The following KIF6 variants were observed in gnomAD, a reference collection of about 807,000 sequenced individuals.
KIF6 encodes the protein kinesin-like protein KIF6.
KIF6 carries 106 observed loss-of-function variants against 112.7 expected under a neutral mutation model. The observed-to-expected ratio is 0.94, with a 90% CI of 0.80 to 1.11. The LOEUF is 1.11. Ranked by LOEUF, KIF6 falls within the 50% of genes least tolerant of loss-of-function variation. The pLI is 0.00. For synonymous variants in KIF6, 339 were observed against 339.9 expected (o/e 1.00, Z 0.03); for missense variants, 929 against 964.0 (o/e 0.96, Z 0.48).
At chr6:39,341,427 T>G (rs558477240) in intron 22 of KIF6, among the ~76,000 whole-genome samples, 1 of 152,144 alleles carries the variant, frequency 6.6e-6, no homozygotes, top group African/African-American at 2.4e-5. Context: ...GCATCTCTGC[T>G]TCCTCTCTCT....
intron 21 of KIF6, among the ~76,000 whole-genome samples, chr6:39,345,341 A>C (rs984908802): frequency 2.0e-5 from 3 of 152,232 alleles, no homozygotes; most frequent in African/African-American, 7.2e-5. Context: ...TAAGCCTGGA[A>C]GCAAATGCTG....
chr6:39,633,822 CA>C (rs1784476303), intron 5 of KIF6, among the ~76,000 whole-genome samples: 1 of 152,122 alleles, frequency 6.6e-6, no homozygotes, highest in South Asian at 2.1e-4. Context: ...GAAGTGACCT[CA>C]GTTATATAAC....
At chr6:39,625,801 C>T (rs1784061913) in intron 5 of KIF6, among the ~76,000 whole-genome samples, 1 of 152,046 alleles carries the variant, frequency 6.6e-6, no homozygotes, top group African/African-American at 2.4e-5. Context: ...AAGGAGGGTC[C>T]AAAGTGTATG....
chr6:39,535,280 G>C (rs1304307874), intron 13 of KIF6, among the ~76,000 whole-genome samples: 4 of 152,166 alleles, frequency 2.6e-5, no homozygotes, highest in Non-Finnish European at 5.9e-5. Context: ...ATGGGATAAA[G>C]AGTCAAGACC....
chr6:39,435,211 C>T (rs938109754), intron 13 of KIF6, among the ~76,000 whole-genome samples: 11 of 152,092 alleles, frequency 7.2e-5, no homozygotes, highest in Non-Finnish European at 1.3e-4. Context: ...CCCATGAGAT[C>T]GTACTCTTAT....
rs558965227 is a variant in KIF6 at position 39,342,914 on chromosome 6, T to A, written c.2428+795A>T. On this transcript the variant is annotated intron_variant, in intron 22 of 22. Transcript: ENST00000287152. This position sits in a 1 kb window ranked among gnomAD's most constrained non-coding sequence, Gnocchi z 4.7. ...CAGGGCAGGCATCAGTCATTATACA[T>A]CGAATCTGCCAGCCCATACCATCAC... is the stretch of plus-strand genomic sequence containing the variant. 5 of 985,338 alleles carry A rather than the reference T, an allele frequency of 5.1e-6. No homozygotes were observed. The South Asian group carries it at 2.4e-4, about 46-fold the overall frequency. The allele number at this position is 985,338 out of a possible 1,614,324, so 61.0% of individuals were successfully genotyped here. A position where few individuals can be genotyped will look rare whatever the true frequency, so the allele number is the denominator to read the frequency against.
chr6:39,381,377 A>C (rs1766925662), intron 16 of KIF6, among the ~76,000 whole-genome samples: 1 of 152,226 alleles, frequency 6.6e-6, no homozygotes, highest in African/African-American at 2.4e-5. Context: ...CAGAATGAAA[A>C]GGGTGATGGT....
intron 16 of KIF6, 52 bp downstream of exon 16, chr6:39,385,570 G>T (rs936716171): frequency 1.7e-5 from 24 of 1,428,840 alleles, no homozygotes; most frequent in Non-Finnish European, 2.1e-5. Context: ...CCTAAAATCA[G>T]GTCAGTTTAT....
intron 10 of KIF6, among the ~76,000 whole-genome samples, chr6:39,571,233 C>T (rs575197882): frequency 6.6e-6 from 1 of 152,300 alleles, no homozygotes; most frequent in Non-Finnish European, 1.5e-5. Context: ...TCTTCATTAA[C>T]AAGATCTCTC....
chr6:39,518,518 T>C (rs1008057613), intron 13 of KIF6, among the ~76,000 whole-genome samples: 1 of 152,210 alleles, frequency 6.6e-6, no homozygotes, highest in East Asian at 1.9e-4. Context: ...AGGAAAACGA[T>C]TGAGCAACAT....
At chr6:39,651,643 G>A (rs1785476652) in intron 3 of KIF6, among the ~76,000 whole-genome samples, 2 of 152,114 alleles carry the variant, frequency 1.3e-5, no homozygotes, top group Non-Finnish European at 1.5e-5. Context: ...TGCCAAATAA[G>A]ACCTTATTTG....
At chr6:39,554,588 TC>T (rs1779583400) in intron 10 of KIF6, 1 of 152,840 alleles carries the variant, frequency 6.5e-6, no homozygotes, top group Non-Finnish European at 1.5e-5. Context: ...CTGAGCTCAC[TC>T]CCACTGGGCC....
chr6:39,664,695 G>A (rs368076790), intron 3 of KIF6, among the ~76,000 whole-genome samples: 247 of 152,212 alleles, frequency 1.6e-3, no homozygotes, highest in African/African-American at 5.7e-3. Context: ...AGAGTAAGAA[G>A]TTAGAGACGC....
chr6:39,610,488 A>G (rs932101855), intron 6 of KIF6, among the ~76,000 whole-genome samples: 1 of 152,194 alleles, frequency 6.6e-6, no homozygotes, highest in African/African-American at 2.4e-5. Context: ...TAAATGGGAA[A>G]TTGGGAACTT....
rs77845771 is a variant in KIF6 at position 39,580,797 on chromosome 6, A to G, written c.1078-2638T>C. On this transcript the variant is annotated intron_variant, in intron 9 of 22. Coordinates refer to ENST00000287152, the MANE Select transcript of KIF6 (RefSeq NM_145027.6). ...TCCATGTACCCTGTACTTAAGAAAT[A>G]GAACATTACAGACCTGTCTGAAGAC... 3.0e-3 allele frequency among the ~76,000 whole-genome samples: 463 copies of G among 152,304 alleles called. 3 individuals are homozygous for G. Among genetic ancestry groups the G allele is most frequent in the African/African-American group, 0.01 (436 of 41,578 alleles).
intron 14 of KIF6, among the ~76,000 whole-genome samples, chr6:39,423,741 T>C (rs1440696197): frequency 6.6e-6 from 1 of 152,086 alleles, no homozygotes; most frequent in Admixed American, 6.6e-5. Context: ...CACGCCACCC[T>C]TTGCCCCTCT....
At chr6:39,385,504 C>T (rs958568654) in intron 16 of KIF6, 118 bp downstream of exon 16, 2 of 809,404 alleles carry the variant, frequency 2.5e-6, no homozygotes, top group African/African-American at 1.7e-5. Flanking sequence ...CAACCCTTGC[C>T]ATCCTTAACC....
intron 9 of KIF6, among the ~76,000 whole-genome samples, chr6:39,580,547 T>C (rs764930550): frequency 3.9e-5 from 6 of 152,298 alleles, no homozygotes; most frequent in Non-Finnish European, 5.9e-5. Context: ...TTATTTCTTC[T>C]AAAATTTCAC....
chr6:39,464,189 C>G (rs1238596410), intron 13 of KIF6, among the ~76,000 whole-genome samples: 3 of 152,078 alleles, frequency 2.0e-5, no homozygotes, highest in Non-Finnish European at 4.4e-5. Context: ...GAAAGGGAGG[C>G]ATGAGGCAGG....
Sources: allele counts gnomAD v4.1 joint callset (sites outside exome capture counted in the v4.1 genomes callset), GRCh38; gene constraint gnomAD v4.1.1; non-coding constraint Gnocchi (gnomAD v3.1); transcripts MANE v1.5; gene names NCBI Gene and HGNC (gene_info 2026-07-23, HGNC 2026-07-21).